The following CNTN3 variants were observed in gnomAD, a reference collection of about 807,000 sequenced individuals.
CNTN3 encodes contactin 3.
In CNTN3, 60 loss-of-function variants were observed where a neutral mutation model predicts 119.1. The ratio of observed to expected loss-of-function variants is 0.50; its 90% CI spans 0.41 to 0.62. The LOEUF (loss-of-function observed/expected upper bound fraction) is 0.62. CNTN3 is among the 20% of genes least tolerant of loss of function. The pLI, the probability that CNTN3 is intolerant of heterozygous loss-of-function variation, is 0.00. For synonymous variants in CNTN3, 450 were observed against 438.7 expected (o/e 1.03, Z -0.32); for missense variants, 1,101 against 1,242.4 (o/e 0.89, Z 1.71).
intron 11 of CNTN3, among the ~76,000 whole-genome samples, chr3:74,341,744 A>C (rs1177063390): frequency 6.6e-6 from 1 of 152,168 alleles, no homozygotes; most frequent in African/African-American, 2.4e-5. Flanking sequence ...ACTGTTGTCT[A>C]GACAACATTG....
chr3:74,332,445 A>C (rs796576179), intron 13 of CNTN3, among the ~76,000 whole-genome samples: 2 of 152,358 alleles, frequency 1.3e-5, no homozygotes, highest in African/African-American at 4.8e-5. Context: ...TTAATTTATG[A>C]AATTTCATGT....
chr3:74,369,980 C>T lies in CNTN3; in HGVS notation c.670G>A (p.Glu224Lys). 6.5e-7 allele frequency: 1 copy of T among 1,545,950 alleles called. No individual in the cohort carries two copies. The highest frequency in any genetic ancestry group is 1.7e-5 in the Admixed American group (1 of 58,728). ...TGAACTTCTATTTTAGGTTCATATT[C>T]ACCCATCACACCTATAAATCCACAA... is the stretch of plus-strand genomic sequence containing the variant. The part of the protein sequence containing the change: ...LVLRSDGVMG[E>K]YEPKIEVQFP... Residue 224 changes from glutamate to lysine, a missense_variant, in exon 7 of 23, where the codon GAA becomes AAA. By Grantham distance (56) the Glu-to-Lys change is moderately conservative. Transcript: ENST00000263665.
intron 5 of CNTN3, among the ~76,000 whole-genome samples, chr3:74,387,058 G>T (rs1350953541): frequency 1.3e-5 from 2 of 152,166 alleles, no homozygotes; most frequent in Non-Finnish European, 2.9e-5. Flanking sequence ...ATGCAAGCAG[G>T]TGTCAAACAA....
At chr3:74,484,946 T>C (rs1205790696) in intron 4 of CNTN3, among the ~76,000 whole-genome samples, 1 of 152,192 alleles carries the variant, frequency 6.6e-6, no homozygotes, top group African/African-American at 2.4e-5. Flanking sequence ...ATGTTACAAA[T>C]ATTTTAAAAT....
intron 4 of CNTN3, among the ~76,000 whole-genome samples, chr3:74,443,360 T>C (rs924830714): frequency 2.0e-5 from 3 of 152,196 alleles, no homozygotes; most frequent in African/African-American, 2.4e-5. Context: ...ATGCTGCTTA[T>C]GCACAAATGA....
chr3:74,488,704 A>T (rs1451581293), intron 3 of CNTN3, among the ~76,000 whole-genome samples: 1 of 152,160 alleles, frequency 6.6e-6, no homozygotes, highest in Non-Finnish European at 1.5e-5. Flanking sequence ...GTTTTCCTTC[A>T]CATATGACCT....
At chr3:74,583,385 A>G in intron 1 of CNTN3, among the ~76,000 whole-genome samples, 1 of 116,058 alleles carries the variant, frequency 8.6e-6, no homozygotes, top group South Asian at 2.4e-4. Context: ...AGTAATTATG[A>G]AAAAAAAAAC....
chr3:74,402,281 T>C (rs977302344), intron 5 of CNTN3, among the ~76,000 whole-genome samples: 1 of 152,182 alleles, frequency 6.6e-6, no homozygotes, highest in Non-Finnish European at 1.5e-5. Context: ...GATATGAAAC[T>C]ATGCCATGAA....
rs181877592 is a variant in CNTN3, at chr3:74,613,984, G to C, written c.-81+407C>G. Among the ~76,000 whole-genome samples the C allele has an allele frequency of 6.4e-3, 976 of 152,282 alleles. 6 individuals carry two copies. Among genetic ancestry groups the C allele is most frequent in the Non-Finnish European group, 9.5e-3 (648 of 68,020 alleles). On this transcript the variant is annotated intron_variant, in intron 1 of 22. Transcript: ENST00000263665. ...CTCAGACCTGGGAATCTGGGCCTGG[G>C]GGGTGGTTCCAGCAAAGAGGTATCA...
chr3:74,488,257 C>G (rs962328875), intron 3 of CNTN3, among the ~76,000 whole-genome samples: 2 of 151,878 alleles, frequency 1.3e-5, no homozygotes, highest in African/African-American at 4.8e-5. Flanking sequence ...GGACTACAGG[C>G]GCCCGACACC....
chr3:74,393,083 T>C (rs564476740), intron 5 of CNTN3, among the ~76,000 whole-genome samples: 1 of 152,326 alleles, frequency 6.6e-6, no homozygotes, highest in South Asian at 2.1e-4. Context: ...GGTACAACAC[T>C]CCATGAAGTG....
chr3:74,318,472 C>G (rs1187928554), intron 13 of CNTN3, among the ~76,000 whole-genome samples: 2 of 152,114 alleles, frequency 1.3e-5, no homozygotes, highest in Non-Finnish European at 2.9e-5. Context: ...GTGGTTTTAT[C>G]TACTTGTCGT....
At chr3:74,589,829 T>C (rs1186344504) in intron 1 of CNTN3, among the ~76,000 whole-genome samples, 1 of 151,334 alleles carries the variant, frequency 6.6e-6, no homozygotes, top group Non-Finnish European at 1.5e-5. Context: ...AAATTGGAAA[T>C]CATCATTCTC....
At chr3:74,580,725 T>C (rs1347517266) in intron 1 of CNTN3, among the ~76,000 whole-genome samples, 1 of 152,126 alleles carries the variant, frequency 6.6e-6, no homozygotes, top group African/African-American at 2.4e-5. Context: ...TGCTTCAATA[T>C]GATAAAGAGT....
chr3:74,431,582 T>A (rs1440255664), intron 4 of CNTN3, among the ~76,000 whole-genome samples: 3 of 152,176 alleles, frequency 2.0e-5, no homozygotes, highest in African/African-American at 7.2e-5. Context: ...GAATGGATAT[T>A]ATAGAGTATT....
intron 4 of CNTN3, among the ~76,000 whole-genome samples, chr3:74,446,814 C>T (rs2106938991): frequency 6.6e-6 from 1 of 151,786 alleles, no homozygotes; most frequent in East Asian, 1.9e-4. Context: ...AATACTCCTA[C>T]ATGCATTCCC....
Position 74,285,335 on chromosome 3 carries a change from C to A in CNTN3, c.2674G>T (p.Ala892Ser). Residue 892 changes from alanine to serine, a missense_variant, in exon 20 of 23, where the codon GCC becomes TCC. Transcript: ENST00000263665. ...TTCTTGGTGGTTACATTAACTGTGG[C>A]GCTAAAAGGCCCAGCGCCGGCACTG... ...YNSAGAGPFS[A>S]TVNVTTKKTP... The A allele has an allele frequency of 6.2e-7, 1 of 1,609,268 alleles. No homozygotes were observed. The highest frequency in any genetic ancestry group is 1.1e-5 in the South Asian group (1 of 90,672).
At chr3:74,454,798 T>C (rs961213074) in intron 4 of CNTN3, among the ~76,000 whole-genome samples, 1 of 152,152 alleles carries the variant, frequency 6.6e-6, no homozygotes, top group African/African-American at 2.4e-5. Flanking sequence ...TATGAAATTC[T>C]GGGTTGAAAA....
chr3:74,301,334 G>C (rs1342712274), intron 16 of CNTN3, 64 bp downstream of exon 16: 1 of 1,538,562 alleles, frequency 6.5e-7, no homozygotes, highest in Non-Finnish European at 8.8e-7. Context: ...TGGAGTTCAG[G>C]GCCAAGGGAA....
Sources: allele counts gnomAD v4.1 joint callset (sites outside exome capture counted in the v4.1 genomes callset), GRCh38; gene constraint gnomAD v4.1.1; transcripts MANE v1.5; gene names NCBI Gene and HGNC (gene_info 2026-07-23, HGNC 2026-07-21).